NPTX1: variants seen among roughly 807,000 people sequenced by gnomAD.
NPTX1 encodes neuronal pentraxin 1.
NPTX1 carries 12 observed loss-of-function variants against 38.7 expected under a neutral mutation model. The ratio of observed to expected loss-of-function variants is 0.31; its 90% CI spans 0.20 to 0.50. The LOEUF (loss-of-function observed/expected upper bound fraction) is 0.50. Among genes scored for constraint, NPTX1 ranks in the 20% least tolerant of loss-of-function variants. The probability of loss-of-function intolerance (pLI) is 0.98; values close to 1 mark genes in which losing one functional copy is unlikely to be tolerated. For missense variants in NPTX1, 454 were observed against 592.2 expected, an observed-to-expected ratio of 0.77 and a Z score of 2.42; for synonymous variants, 272 against 264.9, an observed-to-expected ratio of 1.03 and a Z score of -0.26.
In NPTX1 at chr17:80,476,139, C is replaced by G. The variant is rs1304293222; in HGVS notation, c.308G>C (p.Arg103Pro). 2 of 1,595,970 alleles carry G rather than the reference C, an allele frequency of 1.3e-6. No homozygotes were observed. The highest frequency in any genetic ancestry group is 2.3e-5 in the East Asian group (1 of 44,184). ...GGGCTGCTTGCGGCCGCCGCCCGCC[C>G]GGGCCTCGCCGGCTCCGGGGTCCAG... Reference protein sequence around the residue: ...STLDPGAGEARAGGGRKQPGS... With the variant: ...STLDPGAGEAPAGGGRKQPGS... Residue 103 changes from arginine to proline, a missense_variant, in exon 1 of 5, where the codon CGG becomes CCG. Arg to Pro is a moderately radical substitution (Grantham distance 103). Coordinates refer to ENST00000306773, the MANE Select transcript of NPTX1 (RefSeq NM_002522.4). The surrounding 1 kb of genome is among the most constrained non-coding windows in gnomAD (Gnocchi z 6.3).
In NPTX1 at chr17:80,470,901, C is replaced by T. The variant is rs1239033929; in HGVS notation, c.1211G>A (p.Gly404Asp). 1.2e-6 allele frequency: 2 copies of T among 1,613,504 alleles called. No individual in the cohort carries two copies. Residue 404 changes from glycine (G) to aspartate (D), a missense_variant, in exon 5 of 5, where the codon GGC becomes GAC. Physicochemically the swap from Gly to Asp is moderately conservative, Grantham distance 94. Around this residue, in one of 4 missense-constraint regions of NPTX1, gnomAD observed 50 missense variants for 54.0 expected, o/e 0.93. Transcript: ENST00000306773. ...GGATTCAGCCCAGGCGATGACATTGCCGGACAGAGCCTTGGTGCTGCAGGT... is the reference window on the plus strand; with the variant it reads ...GGATTCAGCCCAGGCGATGACATTGTCGGACAGAGCCTTGGTGCTGCAGGT... Reference protein sequence around the residue: ...LATCSTKALSGNVIAWAESHI... With the variant: ...LATCSTKALSDNVIAWAESHI...
Position 80,468,135 on chromosome 17 carries a change from G to C in NPTX1, c.*2678C>G, listed in dbSNP as rs184133191. On this transcript the variant is annotated 3_prime_UTR_variant, in exon 5 of 5. Coordinates refer to ENST00000306773, the MANE Select transcript of NPTX1 (RefSeq NM_002522.4). ...TGGGAACTACGTGGATTAGATTTGC[G>C]GCTGTGTCATCGACCTTTCTCGGGG... 3 of 152,766 alleles carry C rather than the reference G, an allele frequency of 2.0e-5. No homozygotes were observed. Among genetic ancestry groups the C allele is most frequent in the Non-Finnish European group, 4.4e-5 (3 of 68,126 alleles). 9.5% of individuals were successfully genotyped at this position (152,766 alleles called of 1,614,324 possible).
rs770898656 is a variant in NPTX1 at position 80,475,690 on chromosome 17, T to C, written c.473A>G (p.Gln158Arg). The change falls in exon 2 of 5, where the codon CAG (glutamine) becomes CGG (arginine). Residue 158 changes from glutamine (Q) to arginine (R), a missense_variant. By Grantham distance (43) the Gln-to-Arg change is conservative. Coordinates refer to ENST00000306773, the MANE Select transcript of NPTX1 (RefSeq NM_002522.4). This position sits in a 1 kb window ranked among gnomAD's most constrained non-coding sequence, Gnocchi z 6.5. ...EQYSRLNSSS[Q>R]TNSLKDLLQS... is the part of the protein sequence containing the mutation. ...CAGCAGATCCTTGAGGCTGTTGGTC[T>C]GGCTGGAGGAATTGAGGCGGCTGTA... 1 of 1,612,652 alleles carries C rather than the reference T, an allele frequency of 6.2e-7. No individual in the cohort carries two copies. The highest frequency in any genetic ancestry group is 8.5e-7 in the Non-Finnish European group (1 of 1,179,754).
At position 80,470,919 on chromosome 17, in the gene NPTX1, C is replaced by T. The variant is rs544616478; in HGVS notation, c.1193G>A (p.Ser398Asn). The T allele has an allele frequency of 9.9e-6, 16 of 1,613,780 alleles. No individual in the cohort carries two copies. The South Asian group carries it at 1.6e-4, about 17-fold the overall frequency. Reference sequence around the variant, plus strand: ...GACATTGCCGGACAGAGCCTTGGTGCTGCAGGTGGCCAGGTTGTACACCTC... The same window carrying T: ...GACATTGCCGGACAGAGCCTTGGTGTTGCAGGTGGCCAGGTTGTACACCTC... The part of the protein sequence containing the change: ...PGEVYNLATC[S>N]TKALSGNVIA... The change falls in exon 5 of 5, where the codon AGC (serine) becomes AAC (asparagine). Residue 398 changes from serine (S) to asparagine (N), a missense_variant. Coordinates refer to ENST00000306773, the MANE Select transcript of NPTX1 (RefSeq NM_002522.4).
Position 80,476,057 on chromosome 17 carries a change from G to A in NPTX1, c.390C>T (p.Leu130=). The A allele has an allele frequency of 6.2e-7, 1 of 1,608,930 alleles. No individual in the cohort carries two copies. The highest frequency in any genetic ancestry group is 8.5e-7 in the Non-Finnish European group (1 of 1,178,472). ...ATTGCAAAGTTTGCCCGAGTTGGCT[G>A]AGCGTCTCGGCGGCCGGTGTCCGGG... ...DLSRTPAAET[L]SQLGQTLQSL... is the part of the protein sequence containing the mutation. The change falls in exon 1 of 5, where the codon CTC becomes CTT. Residue 130 remains leucine (L), a synonymous_variant. Coordinates refer to ENST00000306773, the MANE Select transcript of NPTX1 (RefSeq NM_002522.4). This position sits in a 1 kb window ranked among gnomAD's most constrained non-coding sequence, Gnocchi z 6.3.
At position 80,470,859 on chromosome 17, in the gene NPTX1, C is replaced by T. The variant is rs2083837630; in HGVS notation, c.1253G>A (p.Gly418Glu). ...CTCGAAGGTCCACTTGGTGGCCCCT[C>T]CGTAGATCTCGATGTGGGATTCAGC... ...AWAESHIEIY[G>E]GATKWTFEAC... Residue 418 changes from glycine to glutamate, a missense_variant, in exon 5 of 5, where the codon GGA becomes GAA. Around this residue, in one of 4 missense-constraint regions of NPTX1, gnomAD observed 50 missense variants for 54.0 expected, o/e 0.93. Transcript: ENST00000306773. The T allele has an allele frequency of 1.2e-6, 2 of 1,608,294 alleles. No individual in the cohort carries two copies. The highest frequency in any genetic ancestry group is 1.1e-5 in the South Asian group (1 of 90,998).
chr17:80,470,683 G>T lies in NPTX1; in HGVS notation c.*130C>A. The T allele has an allele frequency of 1.6e-6, 1 of 639,690 alleles. No homozygotes were observed. The highest frequency in any genetic ancestry group is 2.7e-6 in the Non-Finnish European group (1 of 370,416). 39.6% of individuals were successfully genotyped at this position (639,690 alleles called of 1,614,324 possible). A position where few individuals can be genotyped will look rare whatever the true frequency, so the allele number is the denominator to read the frequency against. On this transcript the variant is annotated 3_prime_UTR_variant, in exon 5 of 5. Coordinates refer to ENST00000306773, the MANE Select transcript of NPTX1 (RefSeq NM_002522.4). ...GCATGAGGACAAAACCAGGCTGTGT[G>T]CGTGTGCGTGTGCAGGGGCGACGGC... is the stretch of plus-strand genomic sequence containing the variant.
Position 80,476,574 on chromosome 17 carries a change from G to T in NPTX1, c.-128C>A. 3.0e-6 allele frequency: 1 copy of T among 331,532 alleles called. No individual in the cohort carries two copies. Among genetic ancestry groups the T allele is most frequent in the Non-Finnish European group, 4.3e-6 (1 of 230,664 alleles). 20.5% of individuals were successfully genotyped at this position (331,532 alleles called of 1,614,324 possible). A position where few individuals can be genotyped will look rare whatever the true frequency, so the allele number is the denominator to read the frequency against. On this transcript the variant is annotated 5_prime_UTR_variant, in exon 1 of 5. Transcript: ENST00000306773. The surrounding 1 kb of genome is among the most constrained non-coding windows in gnomAD (Gnocchi z 6.3). ...GGGCGCCGCGCTCTTCGGCCGCGCG[G>T]TCCACACCGCCGCGCTATCAGGCCC...
rs1337072125 is a variant in NPTX1 at position 80,467,742 on chromosome 17, T to C, written c.*3071A>G. The stretch of plus-strand genomic sequence containing the variant: ...AATACATGCTTTCAGTTCTACGTTT[T>C]GGTGGAGCCTGAAAGTATTTTCAAG... On this transcript the variant is annotated 3_prime_UTR_variant, in exon 5 of 5. Coordinates refer to ENST00000306773, the MANE Select transcript of NPTX1 (RefSeq NM_002522.4). The C allele has an allele frequency of 6.6e-6, 1 of 152,512 alleles. No individual in the cohort carries two copies. Among genetic ancestry groups the C allele is most frequent in the Non-Finnish European group, 1.5e-5 (1 of 68,040 alleles). 9.4% of individuals were successfully genotyped at this position (152,512 alleles called of 1,614,324 possible). A position where few individuals can be genotyped will look rare whatever the true frequency, so the allele number is the denominator to read the frequency against.
rs747984649 is a variant in NPTX1 at position 80,473,194 on chromosome 17, C to T, written c.897+6G>A. On this transcript the variant is annotated splice_donor_region_variant and intron_variant, in intron 3 of 4. Transcript: ENST00000306773. ...TGCCGCCCTGTGAGCCCGGGGGCTG[C>T]TCTACCTTGTCATTGATGAGGATCT... 10 of 1,611,844 alleles carry T rather than the reference C, an allele frequency of 6.2e-6. No homozygotes were observed. Among genetic ancestry groups the T allele is most frequent in the Non-Finnish European group, 8.5e-6 (10 of 1,179,708 alleles).
At position 80,466,914 on chromosome 17, in the gene NPTX1, A is replaced by G. The variant is rs2083808519; in HGVS notation, c.*3899T>C. 1.4e-5 allele frequency among the ~76,000 whole-genome samples: 2 copies of G among 147,888 alleles called. No homozygotes were observed. The highest frequency in any genetic ancestry group is 2.1e-4 in the South Asian group (1 of 4,728). On this transcript the variant is annotated 3_prime_UTR_variant, in exon 5 of 5. Coordinates refer to ENST00000306773, the MANE Select transcript of NPTX1 (RefSeq NM_002522.4). ...GCAAGAAAATGAAAAAAAAAAAAAA[A>G]GCAAGAATACCAGTAGAAATAGTGC... is the stretch of plus-strand genomic sequence containing the variant.
chr17:80,470,229 G>A lies in NPTX1; in HGVS notation c.*584C>T, dbSNP rs1451547721. The A allele has an allele frequency of 2.6e-5, 4 of 152,268 alleles. No individual in the cohort carries two copies. The highest frequency in any genetic ancestry group is 5.9e-5 in the Non-Finnish European group (4 of 68,092). The allele number at this position is 152,268 out of a possible 1,614,324, so 9.4% of individuals were successfully genotyped here. A position where few individuals can be genotyped will look rare whatever the true frequency, so the allele number is the denominator to read the frequency against. On this transcript the variant is annotated 3_prime_UTR_variant, in exon 5 of 5. Coordinates refer to ENST00000306773, the MANE Select transcript of NPTX1 (RefSeq NM_002522.4). ...TTACAAAATAAAAATTCTCTGTAGA[G>A]AGCCCCCGCCCCCGGCCTTTGACAA...
intron 3 of NPTX1, among the ~76,000 whole-genome samples, chr17:80,472,280 G>A (rs1014978924): frequency 2.0e-5 from 3 of 152,308 alleles, no homozygotes; most frequent in South Asian, 2.1e-4. Flanking sequence ...GGCTCCGTGC[G>A]ACATCTGTGC....
chr17:80,474,806 C>CG (rs1228670899), intron 2 of NPTX1: 1 of 143,386 alleles, frequency 7.0e-6, no homozygotes, highest in Non-Finnish European at 1.6e-5. Flanking sequence ...GGGCACCCCC[C>CG]CCCCTCCCCT....
Position 80,476,463 on chromosome 17 carries a change from C to G in NPTX1, c.-17G>C, listed in dbSNP as rs956245609. 228 of 1,211,262 alleles carry G rather than the reference C, an allele frequency of 1.9e-4. No individual in the cohort carries two copies. Among genetic ancestry groups the G allele is most frequent in the African/African-American group, 1.2e-3 (73 of 62,660 alleles). The allele number at this position is 1,211,262 out of a possible 1,614,324, so 75.0% of individuals were successfully genotyped here. On this transcript the variant is annotated 5_prime_UTR_variant, in exon 1 of 5. Coordinates refer to ENST00000306773, the MANE Select transcript of NPTX1 (RefSeq NM_002522.4). This position sits in a 1 kb window ranked among gnomAD's most constrained non-coding sequence, Gnocchi z 6.3. ...GGCCGGCATGGCTGCGGGCACCGGG[C>G]GCTCCGGGCCCGGCTCGGCTCGGCT...
At position 80,476,456 on chromosome 17, in the gene NPTX1, C is replaced by A; in HGVS notation, c.-10G>T. 1 of 1,244,550 alleles carries A rather than the reference C, an allele frequency of 8.0e-7. No homozygotes were observed. Among genetic ancestry groups the A allele is most frequent in the Non-Finnish European group, 1.0e-6 (1 of 998,448 alleles). 77.1% of individuals were successfully genotyped at this position (1,244,550 alleles called of 1,614,324 possible). A position where few individuals can be genotyped will look rare whatever the true frequency, so the allele number is the denominator to read the frequency against. On this transcript the variant is annotated 5_prime_UTR_variant, in exon 1 of 5. Transcript: ENST00000306773. This position sits in a 1 kb window ranked among gnomAD's most constrained non-coding sequence, Gnocchi z 6.3. ...CGCGGCCGGCCGGCATGGCTGCGGG[C>A]ACCGGGCGCTCCGGGCCCGGCTCGG... is the stretch of plus-strand genomic sequence containing the variant.
At chr17:80,471,374 G>T (rs1328698467) in intron 4 of NPTX1, among the ~76,000 whole-genome samples, 1 of 152,204 alleles carries the variant, frequency 6.6e-6, no homozygotes, top group Non-Finnish European at 1.5e-5. Context: ...GCCAGCTAAA[G>T]CTGCCCAACA....
chr17:80,473,167 C>T, intron 3 of NPTX1, 33 bp downstream of exon 3: 2 of 1,603,114 alleles, frequency 1.2e-6, no homozygotes, highest in Non-Finnish European at 1.7e-6. Flanking sequence ...GGGGCCTCGC[C>T]CTGCCGCCCT....
At position 80,470,642 on chromosome 17, in the gene NPTX1, A is replaced by T. The variant is rs2083835405; in HGVS notation, c.*171T>A. ...GGCTTCCTCAGGGACAGATGGGAGC[A>T]GGGGCTGCTTCGTGTGCATGAGGAC... On this transcript the variant is annotated 3_prime_UTR_variant, in exon 5 of 5. Coordinates refer to ENST00000306773, the MANE Select transcript of NPTX1 (RefSeq NM_002522.4). 1.8e-6 allele frequency: 1 copy of T among 565,092 alleles called. No individual in the cohort carries two copies. The highest frequency in any genetic ancestry group is 3.2e-6 in the Non-Finnish European group (1 of 316,162). The allele number at this position is 565,092 out of a possible 1,614,324, so 35.0% of individuals were successfully genotyped here.
Sources: gnomAD v4.1 joint callset for allele counts (sites outside exome capture counted in the v4.1 genomes callset) on GRCh38, gnomAD v4.1.1 for gene constraint, gnomAD v4.1.1 regional missense constraint, Gnocchi (gnomAD v3.1) non-coding constraint, MANE v1.5 for transcripts, NCBI Gene and HGNC (gene_info 2026-07-23, HGNC 2026-07-21) for gene names.